Variants in C3orf49 observed in about 807,000 individuals in gnomAD.
C3orf49 encodes putative uncharacterized protein C3orf49.
A neutral mutation model predicts 13.3 loss-of-function variants in C3orf49; 27 were observed. The ratio of observed to expected loss-of-function variants is 2.02; its 90% CI spans 1.49 to 2.79. The LOEUF (loss-of-function observed/expected upper bound fraction) is 2.79, where lower values mean the gene tolerates loss of function less well. C3orf49 is among the 30% of genes most tolerant of loss of function. The probability of loss-of-function intolerance (pLI) is 0.00; values close to 1 mark genes in which losing one functional copy is unlikely to be tolerated. For synonymous variants in C3orf49, 87 were observed against 47.6 expected, an observed-to-expected ratio of 1.83 and a Z score of -3.40; for missense variants, 242 against 134.2, an observed-to-expected ratio of 1.80 and a Z score of -3.97.
At chr3:63,796,114 G>A in the C3orf49 span, among the ~76,000 whole-genome samples, 1 of 151,938 alleles carries the variant, frequency 6.6e-6, no homozygotes, top group Non-Finnish European at 1.5e-5. Flanking sequence ...CAATTTTTCA[G>A]CTCTTTCACC....
intron 5 of C3orf49, among the ~76,000 whole-genome samples, chr3:63,844,619 T>C (rs775183263): frequency 1.3e-5 from 2 of 152,208 alleles, no homozygotes; most frequent in Non-Finnish European, 2.9e-5. Flanking sequence ...AACAGGCTTA[T>C]GCAGCTATTG....
chr3:63,845,158 G>A (rs932360091), intron 6 of C3orf49, 76 bp downstream of exon 6: 3 of 597,288 alleles, frequency 5.0e-6, no homozygotes, highest in Admixed American at 2.8e-5. Context: ...GTCCCCCTCA[G>A]ATCTGAGCTC....
At chr3:63,835,517 C>G (rs982407018) in intron 5 of C3orf49, 1 of 694,120 alleles carries the variant, frequency 1.4e-6, no homozygotes, top group African/African-American at 1.8e-5. Flanking sequence ...AGTTATAACA[C>G]TCCATTATGG....
At chr3:63,831,905 C>G (rs1264162861) in intron 5 of C3orf49, 61 bp downstream of exon 5, 3 of 656,114 alleles carry the variant, frequency 4.6e-6, no homozygotes, top group Non-Finnish European at 8.2e-6. Flanking sequence ...TAAAAGTTAT[C>G]TTCCCTAGGC....
chr3:63,783,192 AT>A, the C3orf49 span: 1 of 152,230 alleles, frequency 6.6e-6, no homozygotes, highest in African/African-American at 2.4e-5. Context: ...AGCGTTGGTT[AT>A]CCCTTCAGAA....
At chr3:63,841,157 G>A (rs1701751413) in intron 5 of C3orf49, among the ~76,000 whole-genome samples, 1 of 152,154 alleles carries the variant, frequency 6.6e-6, no homozygotes, top group Non-Finnish European at 1.5e-5. Flanking sequence ...AAACAAAACA[G>A]GTGTAGAAAA....
the C3orf49 span, among the ~76,000 whole-genome samples, chr3:63,794,795 A>C: frequency 6.6e-6 from 1 of 152,112 alleles, no homozygotes; most frequent in East Asian, 1.9e-4. Flanking sequence ...CTTGAAATAC[A>C]TCGTCCTGAG....
intron 6 of C3orf49, among the ~76,000 whole-genome samples, chr3:63,847,465 C>T (rs1440269980): frequency 6.6e-6 from 1 of 152,202 alleles, no homozygotes; most frequent in East Asian, 1.9e-4. Flanking sequence ...AGGCCGGGTG[C>T]AGTGGCTCAC....
At chr3:63,798,633 A>G in the C3orf49 span, among the ~76,000 whole-genome samples, 1 of 152,102 alleles carries the variant, frequency 6.6e-6, no homozygotes, top group African/African-American at 2.4e-5. Flanking sequence ...TTTTCTGTGA[A>G]TCAATATAAA....
upstream of C3orf49, among the ~76,000 whole-genome samples, chr3:63,815,771 C>CTTTTTTTTTTTTT (rs1227837780): frequency 7.3e-6 from 1 of 136,576 alleles, no homozygotes; most frequent in African/African-American, 2.8e-5. Context: ...TCTTTTCTTT[C>CTTTTTTTTTTTTT]TTTTTTTTTT....
chr3:63,827,790 A>G, intron 3 of C3orf49, 65 bp downstream of exon 3: 1 of 677,512 alleles, frequency 1.5e-6, no homozygotes, highest in East Asian at 2.7e-5. Flanking sequence ...AGATTTTGCA[A>G]AAACCAAGTT....
chr3:63,847,349 A>G (rs1701920751), intron 6 of C3orf49, among the ~76,000 whole-genome samples: 1 of 152,188 alleles, frequency 6.6e-6, no homozygotes, highest in African/African-American at 2.4e-5. Context: ...CATGTTGTCC[A>G]CAGTTAATTG....
At chr3:63,826,651 T>A (rs1352701408) in intron 2 of C3orf49, among the ~76,000 whole-genome samples, 1 of 152,058 alleles carries the variant, frequency 6.6e-6, no homozygotes, top group Non-Finnish European at 1.5e-5. Context: ...CCCAGAGAAG[T>A]CCTTATCAAT....
At chr3:63,824,836 C>CAAAA (rs34464702) in intron 2 of C3orf49, among the ~76,000 whole-genome samples, 3 of 107,890 alleles carry the variant, frequency 2.8e-5, no homozygotes, top group Admixed American at 2.0e-4. Flanking sequence ...GACCCTGTCT[C>CAAAA]AAAAAAAAAA....
At chr3:63,809,738 A>C in the C3orf49 span, among the ~76,000 whole-genome samples, 1 of 152,178 alleles carries the variant, frequency 6.6e-6, no homozygotes, top group African/African-American at 2.4e-5. Flanking sequence ...CTTTGCTCTG[A>C]TCATTCTCCT....
chr3:63,810,128 A>G, the C3orf49 span, among the ~76,000 whole-genome samples: 1 of 152,062 alleles, frequency 6.6e-6, no homozygotes, highest in Admixed American at 6.5e-5. Flanking sequence ...CCTGGGCGAC[A>G]GAGCAAGACA....
At chr3:63,804,258 T>A in the C3orf49 span, among the ~76,000 whole-genome samples, 1 of 152,142 alleles carries the variant, frequency 6.6e-6, no homozygotes, top group South Asian at 2.1e-4. Flanking sequence ...TAGTGAACAA[T>A]CAGCCTGCCT....
chr3:63,833,866 C>CA (rs1249704188), intron 5 of C3orf49: 1 of 358,286 alleles, frequency 2.8e-6, no homozygotes, highest in African/African-American at 2.1e-5. Flanking sequence ...TGAGCACAAA[C>CA]ATATGCAGCT....
the C3orf49 span, among the ~76,000 whole-genome samples, chr3:63,787,917 A>G: frequency 1.2e-3 from 188 of 152,316 alleles, no homozygotes; most frequent in African/African-American, 4.3e-3. Flanking sequence ...TATCCACAGA[A>G]TCCGCTTTAT....
Sources: gnomAD v4.1 joint callset for allele counts (sites outside exome capture counted in the v4.1 genomes callset) on GRCh38, gnomAD v4.1.1 for gene constraint, MANE v1.5 for transcripts, NCBI Gene and HGNC (gene_info 2026-07-23, HGNC 2026-07-21) for gene names.